PIK3C3: variants seen among roughly 807,000 people sequenced by gnomAD.
PIK3C3 encodes phosphatidylinositol 3-kinase catalytic subunit type 3.
A neutral mutation model predicts 126.1 loss-of-function variants in PIK3C3; 95 were observed. The ratio of observed to expected loss-of-function variants is 0.75; its 90% CI spans 0.64 to 0.89. PIK3C3 has a LOEUF of 0.89. PIK3C3 is among the 40% of genes least tolerant of loss of function. The pLI is 0.00. For missense variants in PIK3C3, 829 were observed against 1,063.2 expected (o/e 0.78, Z 3.06); for synonymous variants, 374 against 360.0 (o/e 1.04, Z -0.44).
At chr18:41,987,307 C>A (rs1409124257) in intron 4 of PIK3C3, among the ~76,000 whole-genome samples, 1 of 152,032 alleles carries the variant, frequency 6.6e-6, no homozygotes, top group Non-Finnish European at 1.5e-5. Flanking sequence ...AAATTGAAGT[C>A]TTTTATCACC....
intron 10 of PIK3C3, among the ~76,000 whole-genome samples, chr18:42,012,737 A>C (rs1022776195): frequency 1.3e-5 from 2 of 152,176 alleles, no homozygotes; most frequent in East Asian, 3.9e-4. Flanking sequence ...ACACCTTTTT[A>C]GTCCAAGTTA....
chr18:42,014,416 C>T (rs1427959827), intron 11 of PIK3C3, among the ~76,000 whole-genome samples: 1 of 152,170 alleles, frequency 6.6e-6, no homozygotes, highest in Non-Finnish European at 1.5e-5. Context: ...ATATCTGACA[C>T]TGTACCACGT....
intron 2 of PIK3C3, among the ~76,000 whole-genome samples, chr18:41,962,195 A>G (rs540831845): frequency 2.6e-4 from 40 of 152,138 alleles, no homozygotes; most frequent in African/African-American, 9.2e-4. Flanking sequence ...ACAGGTTGAA[A>G]TGTTTTCCCA....
At chr18:42,072,095 TAATA>T (rs1250986683) in intron 24 of PIK3C3, among the ~76,000 whole-genome samples, 2 of 152,244 alleles carry the variant, frequency 1.3e-5, no homozygotes, top group Non-Finnish European at 2.9e-5. Context: ...GTATTGATAC[TAATA>T]AATCACATAG....
chr18:41,962,726 A>G (rs1980160251), intron 3 of PIK3C3, 94 bp downstream of exon 3: 3 of 1,208,816 alleles, frequency 2.5e-6, no homozygotes, highest in African/African-American at 1.5e-5. Flanking sequence ...GTTTATGCTC[A>G]GTCTCCAGTG....
At chr18:41,963,653 G>A (rs1450009463) in intron 3 of PIK3C3, among the ~76,000 whole-genome samples, 1 of 151,992 alleles carries the variant, frequency 6.6e-6, no homozygotes, top group African/African-American at 2.4e-5. Flanking sequence ...CTTAATTTTT[G>A]TCTACTTTAA....
intron 21 of PIK3C3, chr18:42,049,975 GAAAAAAAA>G (rs1205934658): frequency 1.6e-5 from 2 of 128,796 alleles, no homozygotes; most frequent in Non-Finnish European, 3.6e-5. Flanking sequence ...CGCCATCTTA[GAAAAAAAA>G]AAAAAAAAAG....
chr18:41,969,904 A>G (rs565053787), intron 3 of PIK3C3, among the ~76,000 whole-genome samples: 1 of 152,218 alleles, frequency 6.6e-6, no homozygotes, highest in Non-Finnish European at 1.5e-5. Flanking sequence ...GTTTGACTAT[A>G]TAGTCTACTG....
chr18:41,960,821 C>A (rs1980043282), intron 2 of PIK3C3, among the ~76,000 whole-genome samples: 1 of 151,670 alleles, frequency 6.6e-6, no homozygotes, highest in African/African-American at 2.4e-5. Flanking sequence ...TGGCTCACTG[C>A]AGTCTTCACC....
Position 42,027,436 on chromosome 18 carries a change from T to C in PIK3C3, c.1485-7T>C. 6.5e-7 allele frequency: 1 copy of C among 1,544,266 alleles called. No individual in the cohort carries two copies. On this transcript the variant is annotated splice_region_variant and splice_polypyrimidine_tract_variant and intron_variant, in intron 13 of 24. Transcript: ENST00000262039. ...ACATCACATGAATGGCTCAAACTAT[T>C]TTTAAGGTATGTGATAGTGGAATGT...
At chr18:42,040,653 T>G in intron 18 of PIK3C3, 24 bp from the exon 19 acceptor site, 2 of 1,543,696 alleles carry the variant, frequency 1.3e-6, no homozygotes, top group Non-Finnish European at 1.8e-6. Flanking sequence ...CTATGCTTAA[T>G]GCAGTGCATA....
chr18:42,035,740 T>G (rs183942162), intron 16 of PIK3C3, among the ~76,000 whole-genome samples: 6 of 152,284 alleles, frequency 3.9e-5, no homozygotes, highest in Admixed American at 3.9e-4. Context: ...GCCCGTATGC[T>G]TACACATACA....
intron 24 of PIK3C3, among the ~76,000 whole-genome samples, chr18:42,077,180 A>T (rs568383783): frequency 6.6e-6 from 1 of 152,360 alleles, no homozygotes; most frequent in South Asian, 2.1e-4. Flanking sequence ...AATGCTTAAC[A>T]ATCATCTGAG....
In PIK3C3 at chr18:42,085,174, T is replaced by G. The variant is rs1177307973; in HGVS notation, c.*4037T>G. On this transcript the variant is annotated 3_prime_UTR_variant, in exon 25 of 25. Transcript: ENST00000262039. The stretch of plus-strand genomic sequence containing the variant: ...TTAAGAATAGGTACAATGTAAATAC[T>G]GGTAAGTGAAAGTTCATTTTGTTCA... 1 of 152,170 alleles carries G rather than the reference T, an allele frequency of 6.6e-6. No homozygotes were observed. The highest frequency in any genetic ancestry group is 1.5e-5 in the Non-Finnish European group (1 of 68,038). The allele number at this position is 152,170 out of a possible 1,614,324, so 9.4% of individuals were successfully genotyped here. A position where few individuals can be genotyped will look rare whatever the true frequency, so the allele number is the denominator to read the frequency against.
chr18:41,994,330 A>G (rs1296312332), intron 7 of PIK3C3, among the ~76,000 whole-genome samples: 3 of 152,196 alleles, frequency 2.0e-5, no homozygotes, highest in Admixed American at 1.3e-4. Flanking sequence ...TTTTCAGTAT[A>G]AAATCAAATT....
intron 24 of PIK3C3, among the ~76,000 whole-genome samples, chr18:42,078,289 A>G (rs1986104697): frequency 6.7e-6 from 1 of 148,640 alleles, no homozygotes; most frequent in Non-Finnish European, 1.5e-5. Context: ...AGGCAGGAGA[A>G]TGGCGTGAAC....
chr18:42,057,443 A>T (rs1473816310), intron 21 of PIK3C3, among the ~76,000 whole-genome samples: 1 of 152,122 alleles, frequency 6.6e-6, no homozygotes, highest in Non-Finnish European at 1.5e-5. Flanking sequence ...TTTTTGAGTA[A>T]TAATAAGTTA....
At chr18:41,973,874 G>A (rs1001526558) in intron 4 of PIK3C3, among the ~76,000 whole-genome samples, 4 of 152,096 alleles carry the variant, frequency 2.6e-5, no homozygotes, top group African/African-American at 7.2e-5. Context: ...GGGTTAAGTA[G>A]TTAGAACCAA....
At position 41,980,816 on chromosome 18, in the gene PIK3C3, G is replaced by A. The variant is rs139839058; in HGVS notation, c.532-6996G>A. Among the ~76,000 whole-genome samples the A allele has an allele frequency of 2.5e-3, 373 of 152,176 alleles. 1 individual carries two copies. Among genetic ancestry groups the A allele is most frequent in the African/African-American group, 8.4e-3 (350 of 41,516 alleles). ...TCTTTTAAATGTATGTGTTTTAGAG[G>A]AAGAAAAACGGTGTCCTAAAGAGTT... On this transcript the variant is annotated intron_variant, in intron 4 of 24. Coordinates refer to ENST00000262039, the MANE Select transcript of PIK3C3 (RefSeq NM_002647.4).
Sources: allele counts gnomAD v4.1 joint callset (sites outside exome capture counted in the v4.1 genomes callset), GRCh38; gene constraint gnomAD v4.1.1; transcripts MANE v1.5; gene names NCBI Gene and HGNC (gene_info 2026-07-23, HGNC 2026-07-21).